PAPSS1: variants seen among roughly 807,000 people sequenced by gnomAD.
The protein encoded by PAPSS1 is bifunctional 3'-phosphoadenosine 5'-phosphosulfate synthase 1.
Under a neutral mutation model 72.0 loss-of-function variants are expected in PAPSS1, and 50 were observed. The observed-to-expected ratio is 0.69, with a 90% CI of 0.55 to 0.88. PAPSS1 has a LOEUF of 0.88. Among genes scored for constraint, PAPSS1 ranks in the 40% least tolerant of loss-of-function variants. The probability of loss-of-function intolerance (pLI) is 0.00; values close to 1 mark genes in which losing one functional copy is unlikely to be tolerated. For missense variants in PAPSS1, 657 were observed against 782.2 expected (o/e 0.84, Z 1.91); for synonymous variants, 261 against 263.6 (o/e 0.99, Z 0.09).
At chr4:107,660,195 A>G in intron 5 of PAPSS1, 123 bp from the exon 6 acceptor site, 1 of 578,792 alleles carries the variant, frequency 1.7e-6, no homozygotes, top group Non-Finnish European at 3.0e-6. Flanking sequence ...GAAGGCTGTG[A>G]GTGCTATGTT....
chr4:107,641,982 G>T (rs886112979), intron 10 of PAPSS1, among the ~76,000 whole-genome samples: 3 of 152,072 alleles, frequency 2.0e-5, no homozygotes. Flanking sequence ...GATTTACATT[G>T]ATCCTATTTT....
intron 3 of PAPSS1, among the ~76,000 whole-genome samples, chr4:107,688,308 G>T (rs1383361740): frequency 2.0e-5 from 3 of 152,176 alleles, no homozygotes; most frequent in Non-Finnish European, 4.4e-5. Flanking sequence ...AAGGGCAGTG[G>T]TGTAGCACGC....
intron 11 of PAPSS1, among the ~76,000 whole-genome samples, chr4:107,617,304 G>A (rs1348635604): frequency 1.4e-5 from 2 of 147,042 alleles, no homozygotes; most frequent in Non-Finnish European, 1.5e-5. Context: ...CAATCAACTT[G>A]ACACTTGGTT....
intron 5 of PAPSS1, among the ~76,000 whole-genome samples, chr4:107,671,136 A>G (rs555955951): frequency 1.3e-5 from 2 of 152,322 alleles, no homozygotes; most frequent in Admixed American, 6.5e-5. Context: ...TTTTCATTAT[A>G]CAGAATTATA....
In PAPSS1 at chr4:107,631,816, A is replaced by G; in HGVS notation, c.1551T>C (p.Phe517=). Residue 517 remains phenylalanine (F), a synonymous_variant, in exon 11 of 12, where the codon TTT becomes TTC. Coordinates refer to ENST00000265174, the MANE Select transcript of PAPSS1 (RefSeq NM_005443.5). ...CRARMVAGAN[F]YIVGRDPAGM... ...CAGCAGGGTCTCGTCCAACAATGTA[A>G]AAGTTGGCTCCTGCAACCATCCGTG... 5 of 1,614,074 alleles carry G rather than the reference A, an allele frequency of 3.1e-6. No homozygotes were observed. Among genetic ancestry groups the G allele is most frequent in the Non-Finnish European group, 4.2e-6 (5 of 1,179,976 alleles).
At chr4:107,690,895 T>G (rs1274457925) in intron 3 of PAPSS1, among the ~76,000 whole-genome samples, 1 of 151,898 alleles carries the variant, frequency 6.6e-6, no homozygotes, top group Non-Finnish European at 1.5e-5. Flanking sequence ...ATTATAGACC[T>G]CCCCCTTTTC....
chr4:107,693,946 T>C lies in PAPSS1; in HGVS notation c.236A>G (p.His79Arg), dbSNP rs755589394. ...ATCCAGAGTGTAGCATGGAATACCA[T>C]GACAAACCAGGTACTCCTCCAAGGC... ...SMALEEYLVC[H>R]GIPCYTLDGD... Residue 79 changes from histidine to arginine, a missense_variant, in exon 3 of 12, where the codon CAT becomes CGT. Coordinates refer to ENST00000265174, the MANE Select transcript of PAPSS1 (RefSeq NM_005443.5). 2.5e-6 allele frequency: 4 copies of C among 1,613,878 alleles called. No homozygotes were observed. Among genetic ancestry groups the C allele is most frequent in the Admixed American group, 1.7e-5 (1 of 59,962 alleles).
At chr4:107,680,191 AT>A (rs575339954) in intron 5 of PAPSS1, among the ~76,000 whole-genome samples, 1 of 152,138 alleles carries the variant, frequency 6.6e-6, no homozygotes, top group Non-Finnish European at 1.5e-5. Context: ...TGAAAAAAAT[AT>A]ATATCTACCC....
Position 107,631,798 on chromosome 4 carries a change from G to GCAGCAGGCA in PAPSS1, c.1568_1569insTGCCTGCTG (p.Asp523_Pro524insAlaCysCys). ...TTTCTGGATGAGGCATGCCAGCAGG[G>GCAGCAGGCA]TCTCGTCCAACAATGTAAAAGTTGG... On this transcript the variant is annotated inframe_insertion, in exon 11 of 12. Transcript: ENST00000265174. The GCAGCAGGCA allele has an allele frequency of 6.2e-7, 1 of 1,614,068 alleles. No individual in the cohort carries two copies. The highest frequency in any genetic ancestry group is 1.1e-5 in the South Asian group (1 of 91,080).
In PAPSS1 at chr4:107,711,932, T is replaced by C. The variant is rs150711664; in HGVS notation, c.60+8188A>G. 3.4e-3 allele frequency among the ~76,000 whole-genome samples: 519 copies of C among 152,342 alleles called. 1 individual carries two copies. The highest frequency in any genetic ancestry group is 4.6e-3 in the Non-Finnish European group (312 of 68,020). ...CTCTTAAAACTTTGCTACTACAAAA[T>C]ATGCTGTGTGGCAACACTGGCATGG... On this transcript the variant is annotated intron_variant, in intron 1 of 11. Transcript: ENST00000265174.
At chr4:107,658,952 A>G (rs1178458833) in intron 6 of PAPSS1, among the ~76,000 whole-genome samples, 1 of 152,230 alleles carries the variant, frequency 6.6e-6, no homozygotes, top group Non-Finnish European at 1.5e-5. Flanking sequence ...TTGAAAATAC[A>G]TTCCATTTAG....
At chr4:107,719,863 G>A (rs930937253) in intron 1 of PAPSS1, 9 of 1,342,986 alleles carry the variant, frequency 6.7e-6, no homozygotes, top group African/African-American at 6.2e-5. Context: ...GCGCTGGGGA[G>A]GGGGGGCGTT....
intron 11 of PAPSS1, among the ~76,000 whole-genome samples, chr4:107,621,606 A>ATTTT (rs1382723816): frequency 4.0e-5 from 2 of 50,504 alleles, no homozygotes; most frequent in African/African-American, 7.1e-5. Context: ...CAGGTTTTTT[A>ATTTT]TCTTTTTTTT....
intron 9 of PAPSS1, among the ~76,000 whole-genome samples, chr4:107,647,432 CA>C (rs1445974386): frequency 6.6e-6 from 1 of 152,160 alleles, no homozygotes; most frequent in Non-Finnish European, 1.5e-5. Flanking sequence ...GAGCCAAATT[CA>C]AATGGCACTT....
At chr4:107,682,872 C>T (rs1003635602) in intron 4 of PAPSS1, among the ~76,000 whole-genome samples, 14 of 152,182 alleles carry the variant, frequency 9.2e-5, no homozygotes, top group African/African-American at 3.4e-4. Flanking sequence ...AAATGAACTA[C>T]TATTTGCTTA....
chr4:107,651,056 A>G (rs1023710434), intron 9 of PAPSS1, among the ~76,000 whole-genome samples: 1 of 152,198 alleles, frequency 6.6e-6, no homozygotes, highest in Non-Finnish European at 1.5e-5. Context: ...CATGTTAGCA[A>G]AAAAGAAGAG....
At chr4:107,659,917 T>C (rs2110322674) in intron 6 of PAPSS1, 42 bp downstream of exon 6, 1 of 1,080,550 alleles carries the variant, frequency 9.3e-7, no homozygotes, top group Non-Finnish European at 1.4e-6. Flanking sequence ...CTACTGTATA[T>C]AAGGCTGTAT....
At position 107,701,280 on chromosome 4, in the gene PAPSS1, C is replaced by G; in HGVS notation, c.66G>C (p.Met22Ile). 1 of 1,603,622 alleles carries G rather than the reference C, an allele frequency of 6.2e-7. No homozygotes were observed. The highest frequency in any genetic ancestry group is 8.5e-7 in the Non-Finnish European group (1 of 1,174,116). ...GGTAGGTGACATTGGTTGCTCTCTG[C>G]ATTCCCTAGAAAAAAAAGAAAAAAA... ...KLSNNAQNWGMQRATNVTYQA... is the reference protein window; with the variant it reads ...KLSNNAQNWGIQRATNVTYQA... Residue 22 changes from methionine (M) to isoleucine (I), a missense_variant, in exon 2 of 12, where the codon ATG (methionine) becomes ATC (isoleucine). Transcript: ENST00000265174.
At chr4:107,705,392 T>C (rs1723315599) in intron 1 of PAPSS1, among the ~76,000 whole-genome samples, 1 of 152,210 alleles carries the variant, frequency 6.6e-6, no homozygotes, top group South Asian at 2.1e-4. Flanking sequence ...AGTTCCAAAG[T>C]GTGGCACTTC....
Sources: gnomAD v4.1 joint callset for allele counts (sites outside exome capture counted in the v4.1 genomes callset) on GRCh38, gnomAD v4.1.1 for gene constraint, MANE v1.5 for transcripts, NCBI Gene and HGNC (gene_info 2026-07-23, HGNC 2026-07-21) for gene names.